ABCC2: variants seen among roughly 807,000 people sequenced by gnomAD.
ABCC2 encodes ATP-binding cassette sub-family C member 2.
A neutral mutation model predicts 173.4 loss-of-function variants in ABCC2; 157 were observed. The ratio of observed to expected loss-of-function variants is 0.91; its 90% CI spans 0.80 to 1.03. The LOEUF (loss-of-function observed/expected upper bound fraction) is 1.03, where lower values mean the gene tolerates loss of function less well. Among genes scored for constraint, ABCC2 ranks in the 50% least tolerant of loss-of-function variants. The pLI, the probability that ABCC2 is intolerant of heterozygous loss-of-function variation, is 0.00. For missense variants in ABCC2, 1,822 were observed against 1,852.3 expected (o/e 0.98, Z 0.30); for synonymous variants, 657 against 693.5 (o/e 0.95, Z 0.83).
chr10:99,824,680 C>T (rs2038597706), intron 19 of ABCC2, among the ~76,000 whole-genome samples: 1 of 152,166 alleles, frequency 6.6e-6, no homozygotes, highest in African/African-American at 2.4e-5. Context: ...AAAAAGCAAT[C>T]CTTTAGATCA....
At position 99,792,263 on chromosome 10, in the gene ABCC2, AG is replaced by A; in HGVS notation, c.238del (p.Ala80ProfsTer2). On this transcript the variant is annotated frameshift_variant, in exon 3 of 32. Coordinates refer to ENST00000647814, the MANE Select transcript of ABCC2 (RefSeq NM_000392.5). LOFTEE classifies it high-confidence loss of function. Reference protein sequence around the residue: ...VFVGFLLILAAIELALVLTED... With the variant: ...VFVGFLLILAXIELALVLTED... ...TCGTTGGTTTTCTTCTTATTCTAGC[AG>A]CCATAGAGCTGGCCCTTGTACTCAC... 1 of 1,614,092 alleles carries A rather than the reference AG, an allele frequency of 6.2e-7. No homozygotes were observed. The highest frequency in any genetic ancestry group is 8.5e-7 in the Non-Finnish European group (1 of 1,179,972).
rs144521346 is a variant in ABCC2, at chr10:99,831,784, G to C, written c.3057G>C (p.Gln1019His). Residue 1019 changes from glutamine (Q) to histidine (H), a missense_variant, in exon 22 of 32, where the codon CAG becomes CAC. Physicochemically the swap from Gln to His is conservative, Grantham distance 24. Coordinates refer to ENST00000647814, the MANE Select transcript of ABCC2 (RefSeq NM_000392.5). ...ATAGCACCGACTATCCAGCATCTCA[G>C]AGGGACATGAGAGTTGGAGTCTACG... ...IFNSTDYPASQRDMRVGVYGA... is the reference protein window; with the variant it reads ...IFNSTDYPASHRDMRVGVYGA... 542 of 1,614,190 alleles carry C rather than the reference G, an allele frequency of 3.4e-4. 2 individuals are homozygous for C. The Middle Eastern group carries it at 4.9e-3, about 15-fold the overall frequency.
chr10:99,805,461 C>T lies in ABCC2; in HGVS notation c.1530+14C>T, dbSNP rs1178317971. 6 of 1,612,744 alleles carry T rather than the reference C, an allele frequency of 3.7e-6. No homozygotes were observed. In the Admixed American group the frequency reaches 5.0e-5, roughly 13 times the overall value. ...AGTGGAATCAAGGTGAGAATCTGAG[C>T]GTAGGTGGCTCTCTGTGGGTAAGGA... On this transcript the variant is annotated intron_variant, in intron 11 of 31. Transcript: ENST00000647814.
intron 16 of ABCC2, among the ~76,000 whole-genome samples, chr10:99,814,632 T>TATACACATATACACACAC (rs2038350236): frequency 1.6e-5 from 2 of 127,010 alleles, no homozygotes; most frequent in Non-Finnish European, 3.3e-5. Flanking sequence ...TACACACATA[T>TATACACATATACACACAC]GTGTATATAC....
At chr10:99,784,160 G>A (rs1396729669) in intron 1 of ABCC2, among the ~76,000 whole-genome samples, 1 of 152,090 alleles carries the variant, frequency 6.6e-6, no homozygotes, top group Non-Finnish European at 1.5e-5. Context: ...GAGAGCAAAT[G>A]TTACAGTATG....
intron 19 of ABCC2, among the ~76,000 whole-genome samples, chr10:99,827,903 T>C (rs1256293837): frequency 3.7e-5 from 5 of 134,234 alleles, no homozygotes; most frequent in Admixed American, 2.3e-4. Flanking sequence ...TTGTGCTCAA[T>C]GACCACGCTC....
Position 99,847,135 on chromosome 10 carries a change from T to C in ABCC2, c.4313+8T>C, listed in dbSNP as rs776709513. The stretch of plus-strand genomic sequence containing the variant: ...GGCTGGTGGCAACCTGAGGTAATGT[T>C]CCATAGCCTGCTACCCCTGCAGGCA... On this transcript the variant is annotated splice_region_variant and intron_variant, in intron 30 of 31. Transcript: ENST00000647814. The C allele has an allele frequency of 1.6e-5, 26 of 1,614,026 alleles. No homozygotes were observed. Among genetic ancestry groups the C allele is most frequent in the Non-Finnish European group, 2.2e-5 (26 of 1,180,002 alleles).
chr10:99,808,623 G>A (rs1211393720), intron 13 of ABCC2, among the ~76,000 whole-genome samples: 2 of 152,142 alleles, frequency 1.3e-5, no homozygotes, highest in African/African-American at 4.8e-5. Context: ...CCCTCCCTTT[G>A]CATAAACCCA....
At chr10:99,821,951 G>A (rs1373437547) in intron 19 of ABCC2, among the ~76,000 whole-genome samples, 1 of 151,652 alleles carries the variant, frequency 6.6e-6, no homozygotes, top group Non-Finnish European at 1.5e-5. Context: ...AACCAATTTT[G>A]GACTGCAGGC....
chr10:99,795,817 A>G (rs546754482), intron 6 of ABCC2, among the ~76,000 whole-genome samples: 1 of 146,980 alleles, frequency 6.8e-6, no homozygotes, highest in Non-Finnish European at 1.5e-5. Context: ...TCTAAATGCT[A>G]GATTTCAGTT....
chr10:99,805,320 G>A, intron 10 of ABCC2, 62 bp from the exon 11 acceptor site: 7 of 1,493,782 alleles, frequency 4.7e-6, no homozygotes, highest in Non-Finnish European at 6.5e-6. Context: ...GATGTCTGCA[G>A]CAAACCTGAG....
intron 19 of ABCC2, among the ~76,000 whole-genome samples, chr10:99,820,138 T>A (rs915167807): frequency 5.9e-5 from 9 of 152,174 alleles, no homozygotes; most frequent in African/African-American, 1.9e-4. Flanking sequence ...ACGCCTGTAA[T>A]CCCAGCACTT....
rs1564688744 is a variant in ABCC2 at position 99,818,943 on chromosome 10, C to T, written c.2425C>T (p.Leu809=). The T allele has an allele frequency of 6.2e-7, 1 of 1,610,032 alleles. No individual in the cohort carries two copies. The highest frequency in any genetic ancestry group is 1.1e-5 in the South Asian group (1 of 91,018). ...TAATAAGGTCTTGGGCCCCAATGGC[C>T]TGTTGAAAGGCAAGGTGAGAAATCA... ...IFNKVLGPNG[L]LKGKTRLLVT... Residue 809 remains leucine, a synonymous_variant, in exon 18 of 32, where the codon CTG becomes TTG. Transcript: ENST00000647814.
At chr10:99,791,276 C>T (rs567478930) in intron 2 of ABCC2, among the ~76,000 whole-genome samples, 33 of 152,026 alleles carry the variant, frequency 2.2e-4, no homozygotes, top group East Asian at 3.9e-4. Context: ...GGTGTGGTGG[C>T]GCACACTTGT....
At chr10:99,809,504 T>C (rs2038172365) in intron 13 of ABCC2, among the ~76,000 whole-genome samples, 2 of 152,236 alleles carry the variant, frequency 1.3e-5, no homozygotes. Context: ...GCAGAAAGCC[T>C]AAGACTTCAT....
rs1218654562 is a variant in ABCC2 at position 99,832,054 on chromosome 10, C to G, written c.3181C>G (p.Leu1061Val). ...ATCAAATATCTTGCACAAGCAACTG[C>G]TGAACAATATCCTTCGAGCACCTAT... ...HASNILHKQL[L>V]NNILRAPMRF... is the part of the protein sequence containing the mutation. Residue 1061 changes from leucine to valine, a missense_variant, in exon 23 of 32, where the codon CTG (leucine) becomes GTG (valine). Transcript: ENST00000647814. 1.2e-6 allele frequency: 2 copies of G among 1,614,228 alleles called. No homozygotes were observed. The highest frequency in any genetic ancestry group is 2.2e-5 in the South Asian group (2 of 91,086).
chr10:99,848,019 C>T (rs2039042672), intron 30 of ABCC2, among the ~76,000 whole-genome samples: 1 of 152,194 alleles, frequency 6.6e-6, no homozygotes, highest in Non-Finnish European at 1.5e-5. Context: ...AGCAGAGGCT[C>T]CCAGCTGTGC....
chr10:99,838,382 G>T (rs1590187570), intron 25 of ABCC2, among the ~76,000 whole-genome samples: 1 of 104,830 alleles, frequency 9.5e-6, no homozygotes, highest in African/African-American at 3.4e-5. Flanking sequence ...GCGGGGGGCC[G>T]ACCCCCCCAC....
rs2038132833 is a variant in ABCC2, at chr10:99,807,483, T to C, written c.1630T>C (p.Cys544Arg). ...CCTGCTGGCCTTTAGTCAACTACAG[T>C]GTGTAGTAATATTCGTCTTCCAGTT... ...KNLLAFSQLQ[C>R]VVIFVFQLTP... is the part of the protein sequence containing the mutation. Residue 544 changes from cysteine to arginine, a missense_variant, in exon 12 of 32, where the codon TGT (cysteine) becomes CGT (arginine). Transcript: ENST00000647814. The C allele has an allele frequency of 6.2e-7, 1 of 1,614,024 alleles. No homozygotes were observed. Among genetic ancestry groups the C allele is most frequent in the Non-Finnish European group, 8.5e-7 (1 of 1,179,960 alleles).
Sources: allele counts gnomAD v4.1 joint callset (sites outside exome capture counted in the v4.1 genomes callset), GRCh38; gene constraint gnomAD v4.1.1; transcripts MANE v1.5; gene names NCBI Gene and HGNC (gene_info 2026-07-23, HGNC 2026-07-21).